GTF2E2: variants seen among roughly 807,000 people sequenced by gnomAD.
GTF2E2 encodes general transcription factor IIE subunit 2, also known as transcription initiation factor IIE subunit beta.
In GTF2E2, 21 loss-of-function variants were observed where a neutral mutation model predicts 40.5. The ratio of observed to expected loss-of-function variants is 0.52; its 90% CI spans 0.37 to 0.75. The LOEUF is 0.75. Ranked by LOEUF, GTF2E2 falls within the 30% of genes least tolerant of loss-of-function variation. The pLI is 0.00. For missense variants in GTF2E2, 298 were observed against 338.4 expected (o/e 0.88, Z 0.94); for synonymous variants, 117 against 121.6 (o/e 0.96, Z 0.25).
chr8:30,635,028 T>G lies in GTF2E2; in HGVS notation c.258+4A>C. ...GACTTTTGCTATCTGAGAAAAGTAC[T>G]TACCTTCATGTAATTCACAATCTTA... On this transcript the variant is annotated splice_donor_region_variant and intron_variant, in intron 3 of 7. Transcript: ENST00000355904. 2.0e-6 allele frequency: 3 copies of G among 1,519,294 alleles called. No homozygotes were observed. The highest frequency in any genetic ancestry group is 2.7e-6 in the Non-Finnish European group (3 of 1,098,280). 94.1% of individuals were successfully genotyped at this position (1,519,294 alleles called of 1,614,324 possible).
At chr8:30,614,143 T>C (rs777714865) in intron 4 of GTF2E2, among the ~76,000 whole-genome samples, 7 of 152,224 alleles carry the variant, frequency 4.6e-5, no homozygotes, top group Non-Finnish European at 8.8e-5. Context: ...CACAAAGTCT[T>C]ACCTTTAACA....
chr8:30,626,998 G>A (rs1293755013), intron 3 of GTF2E2, among the ~76,000 whole-genome samples: 3 of 152,144 alleles, frequency 2.0e-5, no homozygotes, highest in Non-Finnish European at 4.4e-5. Flanking sequence ...CACGTTATTA[G>A]TAGCAGAATT....
intron 2 of GTF2E2, chr8:30,645,772 C>A: frequency 1.7e-6 from 1 of 595,372 alleles, no homozygotes; most frequent in Non-Finnish European, 2.9e-6. Flanking sequence ...ATAGCCATTT[C>A]ATTAAATATA....
intron 1 of GTF2E2, among the ~76,000 whole-genome samples, chr8:30,656,284 T>C (rs1802445533): frequency 6.6e-6 from 1 of 152,200 alleles, no homozygotes; most frequent in Non-Finnish European, 1.5e-5. Flanking sequence ...ACGTGTTATT[T>C]CAGTATTACT....
rs1290990616 is a variant in GTF2E2 at position 30,578,610 on chromosome 8, A to G, written c.*311T>C. On this transcript the variant is annotated 3_prime_UTR_variant, in exon 8 of 8. Transcript: ENST00000355904. The stretch of plus-strand genomic sequence containing the variant: ...ACTATGGGCAAACTTGCTCTAAAGT[A>G]ACAAACGAGGAAGAAAGGAACCAGG... 1 of 203,904 alleles carries G rather than the reference A, an allele frequency of 4.9e-6. No homozygotes were observed. Among genetic ancestry groups the G allele is most frequent in the Non-Finnish European group, 9.9e-6 (1 of 101,104 alleles). The allele number at this position is 203,904 out of a possible 1,614,324, so 12.6% of individuals were successfully genotyped here.
intron 3 of GTF2E2, among the ~76,000 whole-genome samples, chr8:30,632,941 A>G (rs1801484707): frequency 6.6e-6 from 1 of 152,210 alleles, no homozygotes; most frequent in Non-Finnish European, 1.5e-5. Context: ...TAAATTCTAC[A>G]AAATCTCAAA....
At chr8:30,580,421 T>C in intron 6 of GTF2E2, 25 bp from the exon 7 acceptor site, 1 of 1,221,322 alleles carries the variant, frequency 8.2e-7, no homozygotes, top group South Asian at 1.2e-5. Flanking sequence ...CACTAGTTAT[T>C]TTACAATCCA....
chr8:30,589,386 T>C (rs1463695066), intron 6 of GTF2E2, among the ~76,000 whole-genome samples: 1 of 152,168 alleles, frequency 6.6e-6, no homozygotes, highest in Non-Finnish European at 1.5e-5. Flanking sequence ...GAGACCTCCA[T>C]CTCTACCAAA....
At chr8:30,603,809 T>G (rs1349712777) in intron 6 of GTF2E2, among the ~76,000 whole-genome samples, 1 of 151,870 alleles carries the variant, frequency 6.6e-6, no homozygotes. Flanking sequence ...AGAGATAAAA[T>G]AAGTAGTTCA....
At chr8:30,651,521 G>C (rs1802275391) in intron 2 of GTF2E2, among the ~76,000 whole-genome samples, 1 of 152,174 alleles carries the variant, frequency 6.6e-6, no homozygotes, top group South Asian at 2.1e-4. Context: ...CTGGGAGGCT[G>C]AGGTAGGAAG....
chr8:30,650,674 T>A (rs544613861), intron 2 of GTF2E2, among the ~76,000 whole-genome samples: 1 of 149,934 alleles, frequency 6.7e-6, no homozygotes, highest in African/African-American at 2.5e-5. Context: ...GCCATGATCA[T>A]GCCCGTACTC....
chr8:30,646,185 A>T (rs1802065578), intron 2 of GTF2E2: 1 of 152,200 alleles, frequency 6.6e-6, no homozygotes. Context: ...TTCTCACAAA[A>T]CTGACTTACT....
At chr8:30,648,708 C>T (rs376377151) in intron 2 of GTF2E2, among the ~76,000 whole-genome samples, 1 of 152,232 alleles carries the variant, frequency 6.6e-6, no homozygotes, top group Non-Finnish European at 1.5e-5. Context: ...AACTCACAAA[C>T]ATTTGAGCTT....
At chr8:30,590,752 G>A (rs1003548998) in intron 6 of GTF2E2, among the ~76,000 whole-genome samples, 4 of 151,528 alleles carry the variant, frequency 2.6e-5, no homozygotes, top group Admixed American at 6.6e-5. Flanking sequence ...GTGCAGTGGC[G>A]CAATCTCAGC....
chr8:30,604,489 T>C (rs1829266222), intron 6 of GTF2E2, among the ~76,000 whole-genome samples: 1 of 152,242 alleles, frequency 6.6e-6, no homozygotes, highest in South Asian at 2.1e-4. Context: ...TGCTTCAGCA[T>C]TGTTAACTAT....
At chr8:30,612,849 T>C (rs1829520313) in intron 4 of GTF2E2, among the ~76,000 whole-genome samples, 1 of 152,174 alleles carries the variant, frequency 6.6e-6, no homozygotes, top group Non-Finnish European at 1.5e-5. Flanking sequence ...GCCCAGCCCA[T>C]ATACACATTC....
chr8:30,602,735 C>T (rs1829216855), intron 6 of GTF2E2, among the ~76,000 whole-genome samples: 1 of 120,616 alleles, frequency 8.3e-6, no homozygotes, highest in Non-Finnish European at 1.7e-5. Context: ...GCCTGGGCAA[C>T]AAGAGCGAAA....
chr8:30,620,779 A>T (rs1027616716), intron 3 of GTF2E2, among the ~76,000 whole-genome samples: 4 of 151,790 alleles, frequency 2.6e-5, no homozygotes, highest in Non-Finnish European at 5.9e-5. Flanking sequence ...AAAAAAAAAA[A>T]TTAGCCAGGC....
intron 6 of GTF2E2, among the ~76,000 whole-genome samples, chr8:30,600,570 T>A (rs1829148583): frequency 6.6e-6 from 1 of 151,638 alleles, no homozygotes; most frequent in South Asian, 2.1e-4. Flanking sequence ...AAAACCTACA[T>A]GGAATGAATA....
Sources: gnomAD v4.1 joint callset for allele counts (sites outside exome capture counted in the v4.1 genomes callset) on GRCh38, gnomAD v4.1.1 for gene constraint, MANE v1.5 for transcripts, NCBI Gene and HGNC (gene_info 2026-07-23, HGNC 2026-07-21) for gene names.